NEDD1: variants seen among roughly 807,000 people sequenced by gnomAD.
The protein encoded by NEDD1 is protein NEDD1.
NEDD1 carries 33 observed loss-of-function variants against 74.0 expected under a neutral mutation model. That is an observed-to-expected ratio of 0.45 (90% confidence interval 0.34 to 0.60). NEDD1 has a LOEUF of 0.60. Among genes scored for constraint, NEDD1 ranks in the 20% least tolerant of loss-of-function variants. The pLI is 0.01. For missense variants in NEDD1, 746 were observed against 776.5 expected, an observed-to-expected ratio of 0.96 and a Z score of 0.47; for synonymous variants, 250 against 264.4, an observed-to-expected ratio of 0.95 and a Z score of 0.53.
chr12:96,927,569 A>T (rs981568494), intron 6 of NEDD1, among the ~76,000 whole-genome samples: 1 of 152,172 alleles, frequency 6.6e-6, no homozygotes, highest in Non-Finnish European at 1.5e-5. Flanking sequence ...ATGTCAATCT[A>T]TTGTATTGAT....
intron 5 of NEDD1, 66 bp downstream of exon 5, chr12:96,917,803 A>T: frequency 2.1e-6 from 3 of 1,459,938 alleles, no homozygotes; most frequent in Non-Finnish European, 2.7e-6. Flanking sequence ...GTACTTACCA[A>T]GCTTTTATTT....
At chr12:96,919,003 C>T (rs1216235771) in intron 5 of NEDD1, among the ~76,000 whole-genome samples, 1 of 152,124 alleles carries the variant, frequency 6.6e-6, no homozygotes, top group East Asian at 1.9e-4. Context: ...AATATCATAG[C>T]TATTATTCTT....
rs921830259 is a variant in NEDD1, at chr12:96,942,125, T to C, written c.1247-452T>C. Among the ~76,000 whole-genome samples, 25 of 152,290 alleles carry C rather than the reference T, an allele frequency of 1.6e-4. 2 individuals are homozygous for C. The highest frequency in any genetic ancestry group is 8.5e-4 in the Admixed American group (13 of 15,268). On this transcript the variant is annotated intron_variant, in intron 10 of 15. Coordinates refer to ENST00000266742, the MANE Select transcript of NEDD1 (RefSeq NM_152905.4). ...ACACTAATAAAACTTTGTTCTGCTT[T>C]GCAAAATATTTTTGTATTATTTCAA...
At chr12:96,927,186 C>T (rs560374897) in intron 6 of NEDD1, among the ~76,000 whole-genome samples, 1 of 152,060 alleles carries the variant, frequency 6.6e-6, no homozygotes, top group Admixed American at 6.6e-5. Flanking sequence ...TCTACTTTTG[C>T]TTCTATGAAC....
At chr12:96,924,411 A>G (rs974261243) in intron 6 of NEDD1, among the ~76,000 whole-genome samples, 51 of 152,190 alleles carry the variant, frequency 3.4e-4, no homozygotes, top group African/African-American at 1.2e-3. Context: ...AGGAACAACT[A>G]CTATCTTAAC....
At chr12:96,920,347 ATAAC>A (rs1439333503) in intron 6 of NEDD1, among the ~76,000 whole-genome samples, 1 of 152,040 alleles carries the variant, frequency 6.6e-6, no homozygotes, top group Non-Finnish European at 1.5e-5. Flanking sequence ...CTTCTAGACT[ATAAC>A]TATATACAGC....
At position 96,935,123 on chromosome 12, in the gene NEDD1, T is replaced by A. The variant is rs1876960086; in HGVS notation, c.637T>A (p.Cys213Ser). 1.9e-6 allele frequency: 3 copies of A among 1,613,552 alleles called. No homozygotes were observed. Among genetic ancestry groups the A allele is most frequent in the Non-Finnish European group, 2.5e-6 (3 of 1,179,438 alleles). Residue 213 changes from cysteine to serine, a missense_variant, in exon 7 of 16, where the codon TGT (cysteine) becomes AGT (serine). By Grantham distance (112) the Cys-to-Ser change is moderately radical. This residue lies in a region of NEDD1 where 706 missense variants were observed against 706.7 expected (regional missense o/e 1.00). Transcript: ENST00000266742. ...ACACAAAGCTCCAGCGTCAGGCATC[T>A]GTTTTTCTCCTGTCAATGAATTGCT... ...SVHKAPASGI[C>S]FSPVNELLFV...
chr12:96,921,462 T>C (rs1875082529), intron 6 of NEDD1, among the ~76,000 whole-genome samples: 1 of 152,204 alleles, frequency 6.6e-6, no homozygotes, highest in Non-Finnish European at 1.5e-5. Context: ...ATTACAGGTA[T>C]GAGCCACTGC....
chr12:96,914,726 T>G (rs1171790555), intron 4 of NEDD1, among the ~76,000 whole-genome samples: 1 of 152,216 alleles, frequency 6.6e-6, no homozygotes, highest in Non-Finnish European at 1.5e-5. Flanking sequence ...TTATTTTCTT[T>G]GATTTTGTAT....
At chr12:96,915,487 C>T (rs1218028110) in intron 4 of NEDD1, among the ~76,000 whole-genome samples, 3 of 152,210 alleles carry the variant, frequency 2.0e-5, no homozygotes, top group African/African-American at 7.2e-5. Flanking sequence ...CTTCACCTTT[C>T]GTTTCTCAAA....
intron 6 of NEDD1, among the ~76,000 whole-genome samples, chr12:96,933,056 A>G (rs577782448): frequency 1.2e-4 from 18 of 150,678 alleles, no homozygotes; most frequent in African/African-American, 3.7e-4. Flanking sequence ...TTGAAGTAAG[A>G]TACAGAATTT....
At chr12:96,910,058 A>G (rs1483167984) in intron 3 of NEDD1, among the ~76,000 whole-genome samples, 163 bp downstream of exon 3, 2 of 152,236 alleles carry the variant, frequency 1.3e-5, no homozygotes, top group East Asian at 3.8e-4. Context: ...AAAACAATAT[A>G]TCATATGAAT....
At chr12:96,941,792 A>G (rs1038006061) in intron 10 of NEDD1, among the ~76,000 whole-genome samples, 10 of 152,152 alleles carry the variant, frequency 6.6e-5, no homozygotes, top group African/African-American at 1.2e-4. Flanking sequence ...TGTTACTAGC[A>G]TTTGAGTCAT....
chr12:96,945,972 T>C, intron 14 of NEDD1, 123 bp downstream of exon 14: 1 of 590,814 alleles, frequency 1.7e-6, no homozygotes, highest in Non-Finnish European at 2.9e-6. Flanking sequence ...CCTAAAGCCA[T>C]AGAAAACATA....
At chr12:96,923,632 G>A (rs951733756) in intron 6 of NEDD1, among the ~76,000 whole-genome samples, 1 of 152,122 alleles carries the variant, frequency 6.6e-6, no homozygotes, top group African/African-American at 2.4e-5. Context: ...TGAAGTGACT[G>A]TTCAAGTCTG....
At chr12:96,926,557 T>C (rs922081079) in intron 6 of NEDD1, among the ~76,000 whole-genome samples, 11 of 152,142 alleles carry the variant, frequency 7.2e-5, no homozygotes, top group African/African-American at 2.7e-4. Context: ...GGAATTTTTT[T>C]TTTTTTTCAA....
At chr12:96,908,460 T>C (rs1873554072) in intron 2 of NEDD1, among the ~76,000 whole-genome samples, 1 of 152,206 alleles carries the variant, frequency 6.6e-6, no homozygotes, top group Non-Finnish European at 1.5e-5. Flanking sequence ...CCCTTTCCTT[T>C]TCTCCCATGT....
intron 6 of NEDD1, chr12:96,924,904 A>G: frequency 2.2e-6 from 1 of 445,522 alleles, no homozygotes; most frequent in Non-Finnish European, 4.5e-6. Context: ...TTCTGGAAGA[A>G]GCATTCAATT....
At chr12:96,931,951 A>G (rs1272713429) in intron 6 of NEDD1, among the ~76,000 whole-genome samples, 2 of 152,122 alleles carry the variant, frequency 1.3e-5, no homozygotes, top group African/African-American at 4.8e-5. Context: ...AGACTGAAAA[A>G]CTATAACCTA....
Sources: allele counts gnomAD v4.1 joint callset (sites outside exome capture counted in the v4.1 genomes callset), GRCh38; gene constraint gnomAD v4.1.1; regional missense constraint gnomAD v4.1.1; transcripts MANE v1.5; gene names NCBI Gene and HGNC (gene_info 2026-07-23, HGNC 2026-07-21).